CTNNA2: variants seen among roughly 807,000 people sequenced by gnomAD.
The protein encoded by CTNNA2 is catenin alpha-2.
Under a neutral mutation model 101.0 loss-of-function variants are expected in CTNNA2, and 42 were observed. The observed-to-expected ratio is 0.42, with a 90% CI of 0.32 to 0.54. The LOEUF (loss-of-function observed/expected upper bound fraction) is 0.54, where lower values mean the gene tolerates loss of function less well. Ranked by LOEUF, CTNNA2 falls within the 20% of genes least tolerant of loss-of-function variation. The probability of loss-of-function intolerance (pLI) is 0.14; values close to 1 mark genes in which losing one functional copy is unlikely to be tolerated. For synonymous variants in CTNNA2, 450 were observed against 456.4 expected, an observed-to-expected ratio of 0.99 and a Z score of 0.18; for missense variants, 871 against 1,223.1, an observed-to-expected ratio of 0.71 and a Z score of 4.29.
intron 6 of CTNNA2, among the ~76,000 whole-genome samples, chr2:79,891,631 G>A (rs1684313709): frequency 2.0e-5 from 3 of 152,078 alleles, no homozygotes; most frequent in African/African-American, 7.2e-5. Flanking sequence ...GTGGATGCAT[G>A]CTGTTTTTAT....
intron 6 of CTNNA2, among the ~76,000 whole-genome samples, chr2:79,885,585 T>C (rs566319395): frequency 1.3e-5 from 2 of 152,270 alleles, no homozygotes; most frequent in Non-Finnish European, 2.9e-5. Flanking sequence ...TACTTATTTA[T>C]CAGGGAAACT....
Position 80,217,369 on chromosome 2 carries a change from T to C in CTNNA2, c.1057-175842T>C, listed in dbSNP as rs1055481166. On this transcript the variant is annotated intron_variant, in intron 7 of 18. Coordinates refer to ENST00000402739, the MANE Select transcript of CTNNA2 (RefSeq NM_001282597.3). ...CTCGGGGTCCAAGGACACCTTAGTGTGAGTGCCAGCTCTGCTACTCAGCAG... is the reference window on the plus strand; with the variant it reads ...CTCGGGGTCCAAGGACACCTTAGTGCGAGTGCCAGCTCTGCTACTCAGCAG... Among the ~76,000 whole-genome samples, 8 of 152,226 alleles carry C rather than the reference T, an allele frequency of 5.3e-5. No individual in the cohort carries two copies. In the East Asian group the frequency reaches 9.7e-4, roughly 18 times the overall value.
chr2:80,226,991 T>C (rs7564915), intron 7 of CTNNA2, among the ~76,000 whole-genome samples: 19,866 of 152,178 alleles, frequency 0.13, 3,082 homozygotes, highest in African/African-American at 0.38. Context: ...GATGCTAAAC[T>C]TGGGTTAACA....
At chr2:79,558,682 A>G (rs1674589180) in intron 1 of CTNNA2, among the ~76,000 whole-genome samples, 1 of 151,854 alleles carries the variant, frequency 6.6e-6, no homozygotes, top group Non-Finnish European at 1.5e-5. Flanking sequence ...GTGAAATGAG[A>G]TAGTATAGGG....
At chr2:80,431,920 T>C (rs1423921066) in intron 9 of CTNNA2, among the ~76,000 whole-genome samples, 1 of 152,124 alleles carries the variant, frequency 6.6e-6, no homozygotes, top group African/African-American at 2.4e-5. Flanking sequence ...CTTTTTCTTT[T>C]TCTGTAGGCA....
chr2:80,098,412 C>G (rs1369067243), intron 7 of CTNNA2, among the ~76,000 whole-genome samples: 1 of 152,188 alleles, frequency 6.6e-6, no homozygotes, highest in Non-Finnish European at 1.5e-5. Context: ...GTCAGTCCGC[C>G]CCCACGGGGG....
chr2:79,973,339 G>A (rs1690618993), intron 7 of CTNNA2, among the ~76,000 whole-genome samples: 1 of 152,124 alleles, frequency 6.6e-6, no homozygotes, highest in African/African-American at 2.4e-5. Context: ...CTTTCCTGAA[G>A]CGAAGTTGGC....
intron 8 of CTNNA2, among the ~76,000 whole-genome samples, chr2:80,410,474 A>T (rs938036562): frequency 6.6e-6 from 1 of 152,244 alleles, no homozygotes; most frequent in African/African-American, 2.4e-5. Context: ...TTTGTCACAC[A>T]TACGTTTAAA....
At chr2:79,443,927 TC>T (rs1678803443) in intron 4 of CTNNA2, among the ~76,000 whole-genome samples, 1 of 151,698 alleles carries the variant, frequency 6.6e-6, no homozygotes. Flanking sequence ...TCTCTCTCTC[TC>T]TCTCTCTCTC....
At chr2:80,372,682 CTTTT>C (rs57178483) in intron 7 of CTNNA2, among the ~76,000 whole-genome samples, 1 of 142,374 alleles carries the variant, frequency 7.0e-6, no homozygotes, top group Non-Finnish European at 1.5e-5. Context: ...GGGAAAACAG[CTTTT>C]TTTTTTTTTT....
At chr2:80,645,643 G>A (rs908327340) in intron 18 of CTNNA2, among the ~76,000 whole-genome samples, 1 of 151,976 alleles carries the variant, frequency 6.6e-6, no homozygotes, top group Admixed American at 6.6e-5. Context: ...TGCTGATGCT[G>A]TTGCACCTCA....
chr2:79,190,185 A>T (rs1239513956), intron 1 of CTNNA2, among the ~76,000 whole-genome samples: 4 of 152,050 alleles, frequency 2.6e-5, no homozygotes, highest in Non-Finnish European at 5.9e-5. Flanking sequence ...TGTTCCAAAT[A>T]TGTCAATTAA....
At chr2:80,368,001 C>G (rs1454753615) in intron 7 of CTNNA2, among the ~76,000 whole-genome samples, 1 of 152,018 alleles carries the variant, frequency 6.6e-6, no homozygotes, top group East Asian at 1.9e-4. Flanking sequence ...TAGAAATCCA[C>G]GTTACCAAAT....
intron 7 of CTNNA2, among the ~76,000 whole-genome samples, chr2:80,340,705 C>T (rs1480755231): frequency 6.6e-6 from 1 of 152,178 alleles, no homozygotes; most frequent in Non-Finnish European, 1.5e-5. Context: ...TATATACAGG[C>T]TTTGGGAAAC....
chr2:80,460,161 T>C (rs914675321), intron 9 of CTNNA2, among the ~76,000 whole-genome samples: 1 of 152,108 alleles, frequency 6.6e-6, no homozygotes, highest in African/African-American at 2.4e-5. Context: ...ATTTTGTTCG[T>C]AGAAGAAAAA....
At chr2:80,642,026 A>G (rs1306752068) in intron 18 of CTNNA2, among the ~76,000 whole-genome samples, 1 of 152,094 alleles carries the variant, frequency 6.6e-6, no homozygotes, top group Non-Finnish European at 1.5e-5. Flanking sequence ...ATACAACTGG[A>G]CCTCTGATAA....
intron 2 of CTNNA2, among the ~76,000 whole-genome samples, chr2:79,270,511 A>C (rs1675055985): frequency 2.0e-5 from 3 of 152,070 alleles, no homozygotes; most frequent in Non-Finnish European, 1.5e-5. Flanking sequence ...CTGGACTCTG[A>C]TATTGACTTC....
intron 7 of CTNNA2, among the ~76,000 whole-genome samples, chr2:80,221,135 G>A (rs1375063155): frequency 2.6e-5 from 4 of 152,214 alleles, no homozygotes; most frequent in Admixed American, 1.3e-4. Flanking sequence ...CACCTCCCTC[G>A]GCCTCCCAAA....
rs115011452 is a variant in CTNNA2, at chr2:80,610,879, A to G, written c.2430+2561A>G. 7.8e-3 allele frequency among the ~76,000 whole-genome samples: 1,186 copies of G among 151,762 alleles called. 11 individuals are homozygous for G. The highest frequency in any genetic ancestry group is 0.026 in the African/African-American group (1,081 of 41,488). On this transcript the variant is annotated intron_variant, in intron 17 of 18. Transcript: ENST00000402739. ...CAACAGGTCACGGAGGAGAATGGAT[A>G]CAAAAGCTCTCCAGGCATCATGACG...
Sources: allele counts gnomAD v4.1 joint callset (sites outside exome capture counted in the v4.1 genomes callset), GRCh38; gene constraint gnomAD v4.1.1; transcripts MANE v1.5; gene names NCBI Gene and HGNC (gene_info 2026-07-23, HGNC 2026-07-21).